HOMER1: variants seen among roughly 807,000 people sequenced by gnomAD.
The protein encoded by HOMER1 is homer protein homolog 1.
In HOMER1, 3 loss-of-function variants were observed where a neutral mutation model predicts 48.9. That is an observed-to-expected ratio of 0.06 (90% CI 0.03 to 0.16). HOMER1 has a LOEUF of 0.16. Ranked by LOEUF, HOMER1 falls within the 10% of genes least tolerant of loss-of-function variation. The pLI, the probability that HOMER1 is intolerant of heterozygous loss-of-function variation, is 1.00. For synonymous variants in HOMER1, 134 were observed against 146.4 expected, an observed-to-expected ratio of 0.92 and a Z score of 0.61; for missense variants, 247 against 411.4, an observed-to-expected ratio of 0.60 and a Z score of 3.46.
chr5:79,386,863 A>G (rs958686180), intron 8 of HOMER1, among the ~76,000 whole-genome samples: 30 of 152,124 alleles, frequency 2.0e-4, no homozygotes, highest in African/African-American at 7.0e-4. Context: ...AAATTAAATA[A>G]CAATTATGAA....
intron 5 of HOMER1, among the ~76,000 whole-genome samples, chr5:79,403,734 C>T (rs529794606): frequency 3.3e-5 from 5 of 152,214 alleles, no homozygotes; most frequent in African/African-American, 1.2e-4. Flanking sequence ...TATGGTTACA[C>T]AAGATGTTAA....
intron 5 of HOMER1, among the ~76,000 whole-genome samples, chr5:79,426,799 G>C (rs536404811): frequency 6.6e-6 from 1 of 152,104 alleles, no homozygotes; most frequent in African/African-American, 2.4e-5. Flanking sequence ...AGAATATATG[G>C]GGAATGTTCC....
chr5:79,484,718 C>T (rs895760408), intron 1 of HOMER1, among the ~76,000 whole-genome samples: 8 of 152,204 alleles, frequency 5.3e-5, no homozygotes, highest in Non-Finnish European at 8.8e-5. Context: ...AGATATACCT[C>T]GCAAATATCA....
At chr5:79,497,109 G>A (rs1752446555) in intron 1 of HOMER1, among the ~76,000 whole-genome samples, 1 of 149,016 alleles carries the variant, frequency 6.7e-6, no homozygotes, top group African/African-American at 2.5e-5. Context: ...GAAACATGTA[G>A]GCTTCAACGA....
intron 1 of HOMER1, among the ~76,000 whole-genome samples, chr5:79,475,513 C>A (rs1442569175): frequency 6.7e-6 from 1 of 149,368 alleles, no homozygotes; most frequent in Non-Finnish European, 1.5e-5. Flanking sequence ...TATTTTTGAG[C>A]CTCATACTTT....
intron 1 of HOMER1, among the ~76,000 whole-genome samples, chr5:79,496,365 C>CA (rs1234790122): frequency 2.6e-5 from 4 of 152,194 alleles, no homozygotes; most frequent in South Asian, 2.1e-4. Context: ...CCTGTCCCCG[C>CA]AAAAACCTTC....
At chr5:79,487,441 C>A (rs1752142317) in intron 1 of HOMER1, among the ~76,000 whole-genome samples, 1 of 152,144 alleles carries the variant, frequency 6.6e-6, no homozygotes, top group Admixed American at 6.5e-5. Context: ...TACCACACCA[C>A]CCATGACATA....
In HOMER1 at chr5:79,418,761, G is replaced by A. The variant is rs144621956; in HGVS notation, c.528-16706C>T. 1.4e-3 allele frequency among the ~76,000 whole-genome samples: 207 copies of A among 152,280 alleles called. 1 individual carries two copies. Among genetic ancestry groups the A allele is most frequent in the Admixed American group, 1.7e-3 (26 of 15,292 alleles). ...CACAGCAATATTAAGACGCCCACCC[G>A]TAAGGTTTTTCAAACTGAACTACAA... On this transcript the variant is annotated intron_variant, in intron 5 of 8. Coordinates refer to ENST00000334082, the MANE Select transcript of HOMER1 (RefSeq NM_004272.5).
chr5:79,463,796 T>C (rs1161868887), intron 1 of HOMER1, among the ~76,000 whole-genome samples: 2 of 152,120 alleles, frequency 1.3e-5, no homozygotes, highest in Non-Finnish European at 1.5e-5. Context: ...TTTATAAGAA[T>C]AACTGCATTG....
chr5:79,482,295 T>C (rs1561381321), intron 1 of HOMER1, among the ~76,000 whole-genome samples: 1 of 152,214 alleles, frequency 6.6e-6, no homozygotes, highest in African/African-American at 2.4e-5. Flanking sequence ...ATTCAGTGGA[T>C]AAGTAAAACA....
chr5:79,498,528 G>A (rs1209411424), intron 1 of HOMER1, among the ~76,000 whole-genome samples: 1 of 152,168 alleles, frequency 6.6e-6, no homozygotes, highest in Non-Finnish European at 1.5e-5. Context: ...TTTGGCCAGA[G>A]GGTTTTAAGA....
At chr5:79,500,963 G>GACAGACACAC (rs1426979946) in intron 1 of HOMER1, among the ~76,000 whole-genome samples, 14 of 101,686 alleles carry the variant, frequency 1.4e-4, no homozygotes, top group African/African-American at 4.3e-4. Context: ...GAGACAGACA[G>GACAGACACAC]ACACACACAC....
At position 79,381,885 on chromosome 5, in the gene HOMER1, C is replaced by CAA. The variant is rs142328749; in HGVS notation, c.877-5690_877-5689dup. ...GGGCCACAAAGCAAGACTCCATCTC[C>CAA]AAAAAAAAAAAAGTACAAAGAAATC... On this transcript the variant is annotated intron_variant, in intron 8 of 8. Coordinates refer to ENST00000334082, the MANE Select transcript of HOMER1 (RefSeq NM_004272.5). 1.5e-3 allele frequency among the ~76,000 whole-genome samples: 212 copies of CAA among 138,044 alleles called. 2 individuals carry two copies. The highest frequency in any genetic ancestry group is 5.1e-3 in the African/African-American group (193 of 38,158). The allele number at this position is 138,044 out of a possible 152,430, so 90.6% of individuals were successfully genotyped here.
chr5:79,456,146 A>C (rs1267170896), intron 2 of HOMER1, among the ~76,000 whole-genome samples: 1 of 35,832 alleles, frequency 2.8e-5, no homozygotes, highest in Non-Finnish European at 5.0e-5. Flanking sequence ...ACTCCGTCTC[A>C]AAAAAAAAAA....
At chr5:79,494,228 T>G (rs1030110959) in intron 1 of HOMER1, among the ~76,000 whole-genome samples, 4 of 152,182 alleles carry the variant, frequency 2.6e-5, no homozygotes, top group Non-Finnish European at 5.9e-5. Flanking sequence ...AATTACACAT[T>G]CTGATTCCCA....
intron 8 of HOMER1, among the ~76,000 whole-genome samples, chr5:79,384,532 A>G (rs1056585891): frequency 6.6e-6 from 1 of 152,194 alleles, no homozygotes; most frequent in Non-Finnish European, 1.5e-5. Flanking sequence ...AGAAAAATAC[A>G]AGGCCAGAGG....
At chr5:79,452,861 A>C (rs908012652) in intron 2 of HOMER1, among the ~76,000 whole-genome samples, 1 of 152,222 alleles carries the variant, frequency 6.6e-6, no homozygotes, top group African/African-American at 2.4e-5. Context: ...TTTTCTTAGC[A>C]TATCATTTGG....
intron 5 of HOMER1, among the ~76,000 whole-genome samples, chr5:79,425,028 T>A (rs1463931631): frequency 6.6e-6 from 1 of 152,090 alleles, no homozygotes; most frequent in Non-Finnish European, 1.5e-5. Flanking sequence ...AGATACTACT[T>A]CTTTTGACTC....
intron 5 of HOMER1, among the ~76,000 whole-genome samples, chr5:79,431,131 G>C (rs1221386966): frequency 6.6e-6 from 1 of 152,090 alleles, no homozygotes; most frequent in Admixed American, 6.5e-5. Context: ...AGGAGTTCGA[G>C]ACCAGCCTGC....
Sources: allele counts gnomAD v4.1 joint callset (sites outside exome capture counted in the v4.1 genomes callset), GRCh38; gene constraint gnomAD v4.1.1; transcripts MANE v1.5; gene names NCBI Gene and HGNC (gene_info 2026-07-23, HGNC 2026-07-21).